Variants in MAPK10 observed in about 807,000 individuals in gnomAD.
The protein encoded by MAPK10 is JNK3 alpha protein kinase.
MAPK10 carries 25 observed loss-of-function variants against 59.3 expected under a neutral mutation model. The observed-to-expected ratio is 0.42, with a 90% CI of 0.31 to 0.59. MAPK10 has a LOEUF of 0.59. MAPK10 is among the 20% of genes least tolerant of loss of function. The probability of loss-of-function intolerance (pLI) is 0.15; values close to 1 mark genes in which losing one functional copy is unlikely to be tolerated. For missense variants in MAPK10, 351 were observed against 568.9 expected, an observed-to-expected ratio of 0.62 and a Z score of 3.90; for synonymous variants, 190 against 200.5, an observed-to-expected ratio of 0.95 and a Z score of 0.44.
intron 2 of MAPK10, among the ~76,000 whole-genome samples, chr4:86,195,559 A>G (rs963676792): frequency 4.6e-5 from 7 of 151,284 alleles, no homozygotes; most frequent in African/African-American, 1.5e-4. Flanking sequence ...CTAGAACTTT[A>G]CTTCTTTTTT....
intron 4 of MAPK10, among the ~76,000 whole-genome samples, chr4:86,158,016 C>G (rs2149225140): frequency 6.6e-6 from 1 of 151,956 alleles, no homozygotes; most frequent in African/African-American, 2.4e-5. Context: ...AGAAAGGTAG[C>G]CAGAAACTAC....
chr4:86,571,634 C>T (rs1262427174), intron 1 of MAPK10, among the ~76,000 whole-genome samples: 1 of 151,970 alleles, frequency 6.6e-6, no homozygotes, highest in Admixed American at 6.6e-5. Flanking sequence ...CTAATTCATT[C>T]CTGAAAAGGA....
At chr4:86,226,130 A>G (rs570307210) in intron 2 of MAPK10, among the ~76,000 whole-genome samples, 21 of 152,334 alleles carry the variant, frequency 1.4e-4, no homozygotes, top group African/African-American at 5.1e-4. Flanking sequence ...TTCCTTGCAT[A>G]GGGATTTCTG....
intron 2 of MAPK10, among the ~76,000 whole-genome samples, chr4:86,289,575 A>G (rs1425271678): frequency 6.7e-6 from 1 of 150,328 alleles, no homozygotes; most frequent in Non-Finnish European, 1.5e-5. Context: ...TAATTATATA[A>G]ATCACATACA....
intron 2 of MAPK10, among the ~76,000 whole-genome samples, chr4:86,259,492 A>G (rs2093896796): frequency 6.6e-6 from 1 of 152,252 alleles, no homozygotes; most frequent in East Asian, 1.9e-4. Flanking sequence ...ACAGCTCTGT[A>G]TAGAGGTAAA....
chr4:86,549,429 C>T (rs769883135), intron 1 of MAPK10, among the ~76,000 whole-genome samples: 1 of 152,128 alleles, frequency 6.6e-6, no homozygotes, highest in Non-Finnish European at 1.5e-5. Flanking sequence ...GGAATTGTAA[C>T]ACAATGGTAT....
intron 9 of MAPK10, among the ~76,000 whole-genome samples, chr4:86,074,450 T>G (rs1377980177): frequency 6.6e-6 from 1 of 151,180 alleles, no homozygotes; most frequent in Non-Finnish European, 1.5e-5. Flanking sequence ...TGTTAGCTGG[T>G]GATTTTGCTC....
chr4:86,339,055 G>A (rs1723308558), intron 2 of MAPK10, among the ~76,000 whole-genome samples: 2 of 152,136 alleles, frequency 1.3e-5, no homozygotes, highest in Admixed American at 1.3e-4. Flanking sequence ...TGTTTGACTT[G>A]AAAGCAGAAG....
intron 4 of MAPK10, among the ~76,000 whole-genome samples, chr4:86,107,937 A>G (rs915871887): frequency 6.6e-6 from 1 of 152,216 alleles, no homozygotes; most frequent in Non-Finnish European, 1.5e-5. Context: ...AGCTCAAGGT[A>G]TCTTCCTGCC....
chr4:86,592,601 T>C (rs760079826), intron 1 of MAPK10, among the ~76,000 whole-genome samples: 7 of 152,222 alleles, frequency 4.6e-5, no homozygotes, highest in South Asian at 2.1e-4. Flanking sequence ...CTGCCTTTCC[T>C]ACCTCCCTGA....
chr4:86,036,135 A>G (rs2040240010), intron 11 of MAPK10, among the ~76,000 whole-genome samples: 2 of 152,246 alleles, frequency 1.3e-5, no homozygotes, highest in Admixed American at 6.5e-5. Flanking sequence ...CATTTCTTGC[A>G]AATGAAGCAC....
intron 2 of MAPK10, among the ~76,000 whole-genome samples, chr4:86,325,149 C>T (rs1458791340): frequency 6.6e-6 from 1 of 152,036 alleles, no homozygotes; most frequent in African/African-American, 2.4e-5. Context: ...CTGGAAAATA[C>T]TCATAAAAAA....
chr4:86,069,794 T>A (rs1242066547), intron 9 of MAPK10, among the ~76,000 whole-genome samples: 1 of 152,082 alleles, frequency 6.6e-6, no homozygotes, highest in Non-Finnish European at 1.5e-5. Flanking sequence ...TTTCTGTAAA[T>A]AAGTCATTTA....
At chr4:86,025,063 G>C (rs1749502485) in intron 13 of MAPK10, 1 of 153,102 alleles carries the variant, frequency 6.5e-6, no homozygotes, top group South Asian at 2.1e-4. Flanking sequence ...TGGTGGGAGA[G>C]AACCGTGCAC....
At chr4:86,268,006 C>G (rs979911300) in intron 2 of MAPK10, 4 of 152,168 alleles carry the variant, frequency 2.6e-5, no homozygotes, top group Non-Finnish European at 5.9e-5. Flanking sequence ...AGGCCAGTGG[C>G]TGGAACACAG....
At chr4:86,171,856 A>C (rs2074277575) in intron 3 of MAPK10, among the ~76,000 whole-genome samples, 1 of 151,202 alleles carries the variant, frequency 6.6e-6, no homozygotes, top group Admixed American at 6.6e-5. Flanking sequence ...TCCAGAATCT[A>C]CAATGAACTC....
In MAPK10 at chr4:86,452,025, G is replaced by A. The variant is rs904829328; in HGVS notation, c.-122+1005C>T. ...GTTTTATGTCCATTTTACAAGTGAG[G>A]AGACTGAAATGCAGAAAGATTAAAC... On this transcript the variant is annotated intron_variant, in intron 1 of 13. Transcript: ENST00000361569. Among the ~76,000 whole-genome samples, 6 of 152,178 alleles carry A rather than the reference G, an allele frequency of 3.9e-5. 1 individual carries two copies. The South Asian group carries it at 1.2e-3, about 32-fold the overall frequency.
chr4:86,471,265 T>C (rs1752635363), intron 1 of MAPK10, among the ~76,000 whole-genome samples: 1 of 125,802 alleles, frequency 7.9e-6, no homozygotes, highest in East Asian at 2.2e-4. Flanking sequence ...CAAGACTCTG[T>C]GCCCCCCTGC....
intron 1 of MAPK10, among the ~76,000 whole-genome samples, chr4:86,527,500 T>TA (rs1167630396): frequency 6.6e-6 from 1 of 151,606 alleles, no homozygotes; most frequent in African/African-American, 2.4e-5. Flanking sequence ...TATTAAAAAG[T>TA]AAAAAAACAA....
Sources: gnomAD v4.1 joint callset for allele counts (sites outside exome capture counted in the v4.1 genomes callset) on GRCh38, gnomAD v4.1.1 for gene constraint, MANE v1.5 for transcripts, NCBI Gene and HGNC (gene_info 2026-07-23, HGNC 2026-07-21) for gene names.